The following PAK2 variants were observed in gnomAD, a reference collection of about 807,000 sequenced individuals.
PAK2 encodes the protein serine/threonine-protein kinase PAK 2.
In PAK2, 21 loss-of-function variants were observed where a neutral mutation model predicts 65.9. The observed-to-expected ratio is 0.32, with a 90% CI of 0.23 to 0.46. The LOEUF (loss-of-function observed/expected upper bound fraction) is 0.46. Ranked by LOEUF, PAK2 falls within the 20% of genes least tolerant of loss-of-function variation. PAK2 has a pLI of 1.00. For synonymous variants in PAK2, 204 were observed against 219.7 expected, an observed-to-expected ratio of 0.93 and a Z score of 0.63; for missense variants, 324 against 642.6, an observed-to-expected ratio of 0.50 and a Z score of 5.36.
At chr3:196,793,775 A>G (rs1715154483) in intron 2 of PAK2, among the ~76,000 whole-genome samples, 1 of 152,092 alleles carries the variant, frequency 6.6e-6, no homozygotes, top group African/African-American at 2.4e-5. Context: ...TTGGAATATC[A>G]ACATTTAAAA....
At chr3:196,812,292 G>GT in intron 9 of PAK2, 25 bp downstream of exon 9, 1 of 1,424,920 alleles carries the variant, frequency 7.0e-7, no homozygotes, top group Non-Finnish European at 9.9e-7. Flanking sequence ...GTAATCCTGG[G>GT]TGTTACCATT....
chr3:196,780,177 T>G (rs1401722177), intron 1 of PAK2, among the ~76,000 whole-genome samples: 2 of 152,232 alleles, frequency 1.3e-5, no homozygotes, highest in African/African-American at 4.8e-5. Flanking sequence ...CTGCCCTCAT[T>G]TCTTCCTTAG....
chr3:196,757,973 T>C (rs898467940), intron 1 of PAK2, among the ~76,000 whole-genome samples: 1 of 152,192 alleles, frequency 6.6e-6, no homozygotes, highest in Non-Finnish European at 1.5e-5. Flanking sequence ...TTAAAAGAGA[T>C]AGAACAGTGA....
chr3:196,810,831 G>A (rs754491521), intron 8 of PAK2, among the ~76,000 whole-genome samples, 178 bp downstream of exon 8: 1 of 151,988 alleles, frequency 6.6e-6, no homozygotes, highest in Non-Finnish European at 1.5e-5. Context: ...TTAAAAAACT[G>A]TACTAGTTGT....
In PAK2 at chr3:196,807,871, A is replaced by G. The variant is rs771432850; in HGVS notation, c.666A>G (p.Lys222=). Residue 222 remains lysine, a synonymous_variant, in exon 7 of 15, where the codon AAA becomes AAG. Coordinates refer to ENST00000327134, the MANE Select transcript of PAK2 (RefSeq NM_002577.4). ...CTGCCAAGTCTTTAGACAAACAGAA[A>G]AAGAAGACTAAGATGACAGATGAAG... ...DGAAKSLDKQ[K]KKTKMTDEEI... The G allele has an allele frequency of 2.5e-6, 4 of 1,606,316 alleles. No homozygotes were observed. The highest frequency in any genetic ancestry group is 3.4e-6 in the Non-Finnish European group (4 of 1,172,970).
intron 2 of PAK2, among the ~76,000 whole-genome samples, chr3:196,786,412 C>T (rs1273886758): frequency 6.6e-6 from 1 of 152,166 alleles, no homozygotes; most frequent in Non-Finnish European, 1.5e-5. Context: ...CCACCTGCCT[C>T]AGCCTCCCAA....
intron 1 of PAK2, among the ~76,000 whole-genome samples, chr3:196,776,857 G>A (rs1714552977): frequency 6.6e-6 from 1 of 152,198 alleles, no homozygotes; most frequent in Non-Finnish European, 1.5e-5. Flanking sequence ...AACCTTTTAG[G>A]AAGGTCAGGT....
intron 2 of PAK2, among the ~76,000 whole-genome samples, chr3:196,792,217 AAAAG>A (rs1560105838): frequency 6.6e-6 from 1 of 152,324 alleles, no homozygotes; most frequent in Admixed American, 6.5e-5. Context: ...AGATTTTTTT[AAAAG>A]AAAGAACACA....
intron 13 of PAK2, among the ~76,000 whole-genome samples, chr3:196,825,463 G>A (rs1711824766): frequency 6.6e-6 from 1 of 151,184 alleles, no homozygotes; most frequent in Non-Finnish European, 1.5e-5. Flanking sequence ...CCAACACAGT[G>A]AAACCCCGTC....
chr3:196,748,009 A>G (rs1713448413), intron 1 of PAK2, among the ~76,000 whole-genome samples: 1 of 152,104 alleles, frequency 6.6e-6, no homozygotes, highest in Admixed American at 6.5e-5. Flanking sequence ...TTTCCTTTAT[A>G]GCACTTCCAT....
At chr3:196,760,406 A>G (rs1713920393) in intron 1 of PAK2, among the ~76,000 whole-genome samples, 1 of 152,076 alleles carries the variant, frequency 6.6e-6, no homozygotes, top group Non-Finnish European at 1.5e-5. Flanking sequence ...GCCCACCACC[A>G]CACCCAGCTA....
rs1383190073 is a variant in PAK2, at chr3:196,832,313, T to C, written c.*3908T>C. On this transcript the variant is annotated 3_prime_UTR_variant, in exon 15 of 15. Transcript: ENST00000327134. ...TTTTTTTTTCTTGTTTTGATAGAAA[T>C]GGAATTAAGCAAAAGTAGTTTTTGT... 6.6e-6 allele frequency: 1 copy of C among 152,158 alleles called. No homozygotes were observed. The highest frequency in any genetic ancestry group is 1.5e-5 in the Non-Finnish European group (1 of 68,022). The allele number at this position is 152,158 out of a possible 1,614,324, so 9.4% of individuals were successfully genotyped here. A position where few individuals can be genotyped will look rare whatever the true frequency, so the allele number is the denominator to read the frequency against.
At position 196,811,386 on chromosome 3, in the gene PAK2, C is replaced by CT. The variant is rs745945503; in HGVS notation, c.773+754dup. ...TCCCTTCCTTCTCTTCCTTCCTTCC[C>CT]TTTTTTTTTTTTTTTTTTTTTGGCG... On this transcript the variant is annotated intron_variant, in intron 8 of 14. Transcript: ENST00000327134. Among the ~76,000 whole-genome samples, 287 of 38,756 alleles carry CT rather than the reference C, an allele frequency of 7.4e-3. 76 individuals carry two copies. Among genetic ancestry groups the CT allele is most frequent in the African/African-American group, 0.01 (63 of 6,140 alleles). The allele number at this position is 38,756 out of a possible 152,430, so 25.4% of individuals were successfully genotyped here. A position where few individuals can be genotyped will look rare whatever the true frequency, so the allele number is the denominator to read the frequency against.
intron 1 of PAK2, among the ~76,000 whole-genome samples, chr3:196,762,845 G>C (rs556005874): frequency 6.6e-6 from 1 of 151,888 alleles, no homozygotes; most frequent in East Asian, 1.9e-4. Flanking sequence ...TGAATTTCAA[G>C]GAAGTGTGCA....
chr3:196,816,747 C>T (rs538235181), intron 11 of PAK2, among the ~76,000 whole-genome samples: 4 of 152,284 alleles, frequency 2.6e-5, no homozygotes, highest in African/African-American at 9.6e-5. Context: ...GCACAGCTAA[C>T]TTACACCCGT....
chr3:196,803,036 C>T lies in PAK2; in HGVS notation c.308C>T (p.Ala103Val). 1 of 1,600,672 alleles carries T rather than the reference C, an allele frequency of 6.2e-7. No individual in the cohort carries two copies. Among genetic ancestry groups the T allele is most frequent in the South Asian group, 1.1e-5 (1 of 88,604 alleles). The change falls in exon 4 of 15, where the codon GCT (alanine) becomes GTT (valine). Residue 103 changes from alanine (A) to valine (V), a missense_variant. By Grantham distance (64) the Ala-to-Val change is moderately conservative (BLOSUM62 0). Coordinates refer to ENST00000327134, the MANE Select transcript of PAK2 (RefSeq NM_002577.4). ...TGTTAGGGCATGCCAGAACAGTGGG[C>T]TCGATTACTACAGACCTCCAATATC... is the stretch of plus-strand genomic sequence containing the variant. ...GEFTGMPEQW[A>V]RLLQTSNITK...
At chr3:196,815,675 T>TACTC (rs1488354215) in intron 11 of PAK2, among the ~76,000 whole-genome samples, 1 of 151,634 alleles carries the variant, frequency 6.6e-6, no homozygotes, top group African/African-American at 2.4e-5. Flanking sequence ...TAGTCTCAGC[T>TACTC]ACTCGGGAGG....
At chr3:196,827,466 G>T in intron 14 of PAK2, 133 bp downstream of exon 14, 1 of 1,485,536 alleles carries the variant, frequency 6.7e-7, no homozygotes, top group African/African-American at 1.4e-5. Flanking sequence ...TGCAATTTAG[G>T]GTTTCATCCT....
chr3:196,761,809 T>C (rs111366944), intron 1 of PAK2, among the ~76,000 whole-genome samples: 27 of 128,940 alleles, frequency 2.1e-4, no homozygotes, highest in Admixed American at 3.4e-4. Flanking sequence ...CCCTCCCGGA[T>C]GGGGCGGCTG....
Sources: gnomAD v4.1 joint callset for allele counts (sites outside exome capture counted in the v4.1 genomes callset) on GRCh38, gnomAD v4.1.1 for gene constraint, MANE v1.5 for transcripts, NCBI Gene and HGNC (gene_info 2026-07-23, HGNC 2026-07-21) for gene names.